Variants in SEC14L1 observed in about 807,000 individuals in gnomAD.
SEC14L1 encodes the protein SEC14 like lipid binding 1, also known as SEC14-like protein 1.
A neutral mutation model predicts 85.3 loss-of-function variants in SEC14L1; 48 were observed. That is an observed-to-expected ratio of 0.56 (90% CI 0.45 to 0.72). The LOEUF (loss-of-function observed/expected upper bound fraction) is 0.72. SEC14L1 is among the 30% of genes least tolerant of loss of function. The probability of loss-of-function intolerance (pLI) is 0.00; values close to 1 mark genes in which losing one functional copy is unlikely to be tolerated. For synonymous variants in SEC14L1, 391 were observed against 355.5 expected (o/e 1.10, Z -1.12); for missense variants, 682 against 921.4 (o/e 0.74, Z 3.36).
chr17:77,123,787 G>A (rs1314552316), intron 3 of SEC14L1, among the ~76,000 whole-genome samples: 1 of 152,150 alleles, frequency 6.6e-6, no homozygotes, highest in African/African-American at 2.4e-5. Context: ...GGCCAGGCAG[G>A]GGCCAGCTTC....
Position 77,195,629 on chromosome 17 carries a change from A to G in SEC14L1, c.710-573A>G, listed in dbSNP as rs185466102. 6.1e-3 allele frequency among the ~76,000 whole-genome samples: 929 copies of G among 152,186 alleles called. 3 individuals are homozygous for G. Among genetic ancestry groups the G allele is most frequent in the African/African-American group, 0.021 (878 of 41,516 alleles). On this transcript the variant is annotated intron_variant, in intron 7 of 16. Coordinates refer to ENST00000436233, the MANE Select transcript of SEC14L1 (RefSeq NM_001143998.2). The stretch of plus-strand genomic sequence containing the variant: ...AAGCCTCTTGAGTAGCTGGGATTAT[A>G]AGCCTGCACCGCCACGCCTGACTAA...
chr17:77,110,295 T>C (rs1034400755), intron 3 of SEC14L1, among the ~76,000 whole-genome samples: 6 of 152,180 alleles, frequency 3.9e-5, no homozygotes, highest in Admixed American at 2.0e-4. Flanking sequence ...AGAAAAATGA[T>C]TGTTTCCTAG....
At chr17:77,179,391 A>G (rs879844594) in intron 3 of SEC14L1, among the ~76,000 whole-genome samples, 11 of 152,222 alleles carry the variant, frequency 7.2e-5, no homozygotes, top group Non-Finnish European at 1.5e-4. Context: ...TCTTTCAGCT[A>G]TAATTAATGC....
intron 9 of SEC14L1, among the ~76,000 whole-genome samples, chr17:77,202,947 A>AT (rs1427095360): frequency 2.6e-5 from 4 of 151,692 alleles, no homozygotes; most frequent in African/African-American, 9.7e-5. Context: ...AAAAAAAAAA[A>AT]AAAAACAGAG....
At chr17:77,134,907 A>G (rs778096899) in intron 3 of SEC14L1, among the ~76,000 whole-genome samples, 1 of 151,914 alleles carries the variant, frequency 6.6e-6, no homozygotes, top group Non-Finnish European at 1.5e-5. Context: ...AACAATTCTT[A>G]TGTTCTGTTT....
At chr17:77,187,825 G>C (rs1210903771) in intron 3 of SEC14L1, among the ~76,000 whole-genome samples, 1 of 150,178 alleles carries the variant, frequency 6.7e-6, no homozygotes. Context: ...GGTCACTGCA[G>C]CCTGCACCTC....
Position 77,142,951 on chromosome 17 carries a change from T to G in SEC14L1, c.-31+201T>G, listed in dbSNP as rs144063902. Among the ~76,000 whole-genome samples, 1,040 of 152,368 alleles carry G rather than the reference T, an allele frequency of 6.8e-3. 15 individuals carry two copies. The highest frequency in any genetic ancestry group is 0.023 in the African/African-American group (971 of 41,580). ...TATTAGCTATCTGAGGCTAGAGATT[T>G]CAGTGGAGCCTGTTTAGCCAGAATA... is the stretch of plus-strand genomic sequence containing the variant. On this transcript the variant is annotated intron_variant, in intron 2 of 16. Transcript: ENST00000436233.
At chr17:77,192,094 C>T (rs1246331082) in intron 5 of SEC14L1, among the ~76,000 whole-genome samples, 2 of 152,220 alleles carry the variant, frequency 1.3e-5, no homozygotes, top group Non-Finnish European at 2.9e-5. Context: ...CACGCCTGGC[C>T]TTAAATATTA....
At chr17:77,118,819 A>G (rs576729975) in intron 3 of SEC14L1, among the ~76,000 whole-genome samples, 116 of 152,336 alleles carry the variant, frequency 7.6e-4, no homozygotes, top group Middle Eastern at 3.4e-3. Context: ...TGCAGGGAGC[A>G]CAGGCTTTGA....
intron 3 of SEC14L1, among the ~76,000 whole-genome samples, chr17:77,106,892 C>G (rs963110792): frequency 1.3e-5 from 2 of 152,204 alleles, no homozygotes; most frequent in Non-Finnish European, 2.9e-5. Flanking sequence ...AGGCTGCGTT[C>G]TCCTTCTCCA....
intron 3 of SEC14L1, among the ~76,000 whole-genome samples, chr17:77,159,380 T>TAA (rs1467822987): frequency 6.9e-6 from 1 of 145,978 alleles, no homozygotes; most frequent in Admixed American, 6.9e-5. Flanking sequence ...TTTCTTCTTC[T>TAA]TCTTTTTTTT....
chr17:77,089,755 C>G, intron 2 of SEC14L1: 1 of 238,676 alleles, frequency 4.2e-6, no homozygotes, highest in South Asian at 4.0e-5. Flanking sequence ...GTGGCTCATG[C>G]CTGTAATCCC....
At chr17:77,138,113 G>A (rs908208622), upstream of SEC14L1, among the ~76,000 whole-genome samples, 2 of 152,096 alleles carry the variant, frequency 1.3e-5, no homozygotes, top group African/African-American at 2.4e-5. Flanking sequence ...GTTCCTGGGC[G>A]GGGGCCACAA....
At chr17:77,181,141 C>A (rs766967471) in intron 3 of SEC14L1, 1 of 152,212 alleles carries the variant, frequency 6.6e-6, no homozygotes, top group Non-Finnish European at 1.5e-5. Flanking sequence ...AACTGATGTT[C>A]TATAAGTAGG....
intron 10 of SEC14L1, among the ~76,000 whole-genome samples, chr17:77,204,951 TTCATC>T (rs1976389133): frequency 6.6e-6 from 1 of 152,168 alleles, no homozygotes; most frequent in African/African-American, 2.4e-5. Context: ...CTCACAGACA[TTCATC>T]TCCTGTTCCC....
rs1480836279 is a variant in SEC14L1, at chr17:77,195,568, G to C, written c.710-634G>C. 2.0e-5 allele frequency among the ~76,000 whole-genome samples: 3 copies of C among 152,088 alleles called. 1 individual carries two copies. The highest frequency in any genetic ancestry group is 7.2e-5 in the African/African-American group (3 of 41,408). On this transcript the variant is annotated intron_variant, in intron 7 of 16. Coordinates refer to ENST00000436233, the MANE Select transcript of SEC14L1 (RefSeq NM_001143998.2). ...AGTGGCACAATCTCGGCTCAGTGCAGCCTTCGTCTCCTGGGTTCAAGTGAT... is the reference window on the plus strand; with the variant it reads ...AGTGGCACAATCTCGGCTCAGTGCACCCTTCGTCTCCTGGGTTCAAGTGAT...
At chr17:77,159,032 C>T (rs1973935173) in intron 3 of SEC14L1, among the ~76,000 whole-genome samples, 1 of 151,188 alleles carries the variant, frequency 6.6e-6, no homozygotes, top group Non-Finnish European at 1.5e-5. Flanking sequence ...TCTAGGACGC[C>T]TGGCTTCGTG....
At chr17:77,121,923 C>T (rs1247372672) in intron 3 of SEC14L1, among the ~76,000 whole-genome samples, 2 of 152,162 alleles carry the variant, frequency 1.3e-5, no homozygotes, top group Admixed American at 1.3e-4. Context: ...CTCTCAGGGC[C>T]CAGACATTCA....
intron 3 of SEC14L1, among the ~76,000 whole-genome samples, chr17:77,152,038 C>T (rs540525660): frequency 4.6e-5 from 7 of 152,212 alleles, no homozygotes; most frequent in East Asian, 3.9e-4. Flanking sequence ...TGTAGTGGCA[C>T]GATTATAGCT....
Sources: gnomAD v4.1 joint callset for allele counts (sites outside exome capture counted in the v4.1 genomes callset) on GRCh38, gnomAD v4.1.1 for gene constraint, MANE v1.5 for transcripts, NCBI Gene and HGNC (gene_info 2026-07-23, HGNC 2026-07-21) for gene names.